The following PRELID2 variants were observed in gnomAD, a reference collection of about 807,000 sequenced individuals.
PRELID2 encodes PRELI domain containing 2.
A neutral mutation model predicts 28.4 loss-of-function variants in PRELID2; 25 were observed. The observed-to-expected ratio is 0.88, with a 90% CI of 0.64 to 1.23. PRELID2 has a LOEUF of 1.23. Ranked by LOEUF, PRELID2 falls within the 50% of genes most tolerant of loss-of-function variation. The pLI, the probability that PRELID2 is intolerant of heterozygous loss-of-function variation, is 0.00. For missense variants in PRELID2, 201 were observed against 214.4 expected (o/e 0.94, Z 0.39); for synonymous variants, 76 against 71.6 (o/e 1.06, Z -0.31).
In PRELID2 at chr5:145,756,600, C is replaced by T. The variant is rs1047608171; in HGVS notation, c.*3936G>A. 2.0e-5 allele frequency among the ~76,000 whole-genome samples: 3 copies of T among 152,128 alleles called. No homozygotes were observed. Among genetic ancestry groups the T allele is most frequent in the Admixed American group, 6.5e-5 (1 of 15,272 alleles). ...ATTATTTCTAGCAATATCTCACTTG[C>T]CGCGAGTTCACAAATATGACAACTG... On this transcript the variant is annotated 3_prime_UTR_variant, in exon 7 of 7. Coordinates refer to ENST00000683046, the MANE Select transcript of PRELID2 (RefSeq NM_205846.3).
chr5:145,621,148 G>A (rs1753768638), intron 1 of PRELID2, among the ~76,000 whole-genome samples: 1 of 152,110 alleles, frequency 6.6e-6, no homozygotes, highest in African/African-American at 2.4e-5. Flanking sequence ...TTTCTCCAAA[G>A]TAGATATACA....
chr5:145,268,457 G>A, the PRELID2 span, among the ~76,000 whole-genome samples: 4 of 151,898 alleles, frequency 2.6e-5, no homozygotes, highest in African/African-American at 7.3e-5. Flanking sequence ...CCTCCATGCC[G>A]CCTTCCTGGG....
chr5:145,520,703 A>G (rs1380236767), intron 1 of PRELID2, among the ~76,000 whole-genome samples: 1 of 152,176 alleles, frequency 6.6e-6, no homozygotes, highest in Non-Finnish European at 1.5e-5. Context: ...GTCGTAATTA[A>G]TTAATTATTA....
intron 1 of PRELID2, among the ~76,000 whole-genome samples, chr5:145,663,875 T>C (rs907126114): frequency 2.6e-5 from 4 of 152,150 alleles, no homozygotes; most frequent in African/African-American, 9.7e-5. Context: ...AGTGCGCCCA[T>C]TATCATTATT....
chr5:145,506,252 T>C (rs1344709533), intron 1 of PRELID2, among the ~76,000 whole-genome samples: 4 of 152,178 alleles, frequency 2.6e-5, no homozygotes, highest in Non-Finnish European at 4.4e-5. Context: ...TTTCTTTCTG[T>C]TTCTGGGACA....
the PRELID2 span, among the ~76,000 whole-genome samples, chr5:145,405,084 G>A: frequency 0.21 from 31,823 of 152,084 alleles, 3,701 homozygotes; most frequent in South Asian, 0.33. Context: ...CAAGTGCCAC[G>A]CTATCCCAAA....
intron 1 of PRELID2, among the ~76,000 whole-genome samples, chr5:145,629,786 T>A (rs935186151): frequency 6.6e-6 from 1 of 152,130 alleles, no homozygotes; most frequent in Non-Finnish European, 1.5e-5. Flanking sequence ...TCTTGCACCA[T>A]CCTTTTAAAA....
chr5:145,267,635 T>G, the PRELID2 span, among the ~76,000 whole-genome samples: 5 of 152,214 alleles, frequency 3.3e-5, no homozygotes, highest in Non-Finnish European at 1.5e-5. Flanking sequence ...TGCAGATATG[T>G]CTTTGATGTA....
At chr5:145,764,273 T>C (rs1470705336) in intron 6 of PRELID2, among the ~76,000 whole-genome samples, 1 of 152,086 alleles carries the variant, frequency 6.6e-6, no homozygotes, top group Non-Finnish European at 1.5e-5. Context: ...GGGAGTTGAG[T>C]AGTTCTGCAA....
intron 1 of PRELID2, among the ~76,000 whole-genome samples, chr5:145,680,063 T>C (rs1480872049): frequency 2.0e-5 from 3 of 152,058 alleles, no homozygotes; most frequent in Admixed American, 1.3e-4. Context: ...TTGAGCAATA[T>C]TGGTTTAAAT....
chr5:145,487,427 T>C (rs1054516650), intron 1 of PRELID2, among the ~76,000 whole-genome samples: 1 of 152,148 alleles, frequency 6.6e-6, no homozygotes, highest in Admixed American at 6.5e-5. Context: ...GTCATAGATT[T>C]CTGTATCCAT....
At chr5:145,413,611 T>TACACACACAC in the PRELID2 span, among the ~76,000 whole-genome samples, 328 of 140,162 alleles carry the variant, frequency 2.3e-3, 1 homozygote, top group East Asian at 8.3e-3. Context: ...ATGAAGAAAA[T>TACACACACAC]ACACACACAC....
At chr5:145,564,374 C>T (rs1483909617) in intron 1 of PRELID2, among the ~76,000 whole-genome samples, 4 of 152,206 alleles carry the variant, frequency 2.6e-5, no homozygotes, top group Non-Finnish European at 5.9e-5. Flanking sequence ...TATGCTCCAG[C>T]CACTCTGGTT....
intron 1 of PRELID2, among the ~76,000 whole-genome samples, chr5:145,564,847 A>G (rs1561507165): frequency 6.6e-6 from 1 of 152,206 alleles, no homozygotes; most frequent in Non-Finnish European, 1.5e-5. Context: ...TATTCCCAAA[A>G]TGAGAAAGCT....
the PRELID2 span, among the ~76,000 whole-genome samples, chr5:145,343,063 A>G: frequency 2.0e-5 from 3 of 152,004 alleles, no homozygotes; most frequent in Admixed American, 1.3e-4. Context: ...CTGCAATACA[A>G]TAACAGTGGG....
At chr5:145,402,239 C>T in the PRELID2 span, among the ~76,000 whole-genome samples, 27 of 152,232 alleles carry the variant, frequency 1.8e-4, no homozygotes, top group African/African-American at 6.5e-4. Context: ...CTCAAGTGTC[C>T]TAAGCAAAAC....
At chr5:145,790,891 G>GTGTATA (rs145070556) in intron 5 of PRELID2, among the ~76,000 whole-genome samples, 6 of 141,394 alleles carry the variant, frequency 4.2e-5, no homozygotes, top group Non-Finnish European at 4.6e-5. Context: ...TCACTTCTGG[G>GTGTATA]TATATATATA....
At chr5:145,575,967 C>T (rs1050691135) in intron 1 of PRELID2, among the ~76,000 whole-genome samples, 6 of 152,116 alleles carry the variant, frequency 3.9e-5, no homozygotes, top group African/African-American at 4.8e-5. Flanking sequence ...CTCCCAACCA[C>T]GTTTTACCTA....
the PRELID2 span, among the ~76,000 whole-genome samples, chr5:145,246,180 T>A: frequency 1.3e-5 from 2 of 152,020 alleles, no homozygotes; most frequent in South Asian, 2.1e-4. Flanking sequence ...GTCACGTGTC[T>A]TTCTAAGAAA....
Sources: gnomAD v4.1 joint callset for allele counts (sites outside exome capture counted in the v4.1 genomes callset) on GRCh38, gnomAD v4.1.1 for gene constraint, MANE v1.5 for transcripts, NCBI Gene and HGNC (gene_info 2026-07-23, HGNC 2026-07-21) for gene names.